Variants in GOLGB1 observed in about 807,000 individuals in gnomAD.
GOLGB1 encodes the protein golgin subfamily B member 1.
In GOLGB1, 174 loss-of-function variants were observed where a neutral mutation model predicts 336.9. That is an observed-to-expected ratio of 0.52 (90% CI 0.46 to 0.59). GOLGB1 has a LOEUF of 0.59. Among genes scored for constraint, GOLGB1 ranks in the 20% least tolerant of loss-of-function variants. GOLGB1 has a pLI of 0.00. For synonymous variants in GOLGB1, 1,208 were observed against 1,289.2 expected (o/e 0.94, Z 1.35); for missense variants, 3,331 against 3,645.3 (o/e 0.91, Z 2.22).
intron 1 of GOLGB1, among the ~76,000 whole-genome samples, chr3:121,735,652 A>G (rs1576470431): frequency 6.6e-6 from 1 of 152,234 alleles, no homozygotes; most frequent in East Asian, 1.9e-4. Context: ...ACCCCATGGT[A>G]CTGGATTAGA....
At chr3:121,688,987 C>A (rs13075221) in intron 14 of GOLGB1, among the ~76,000 whole-genome samples, 223 of 151,558 alleles carry the variant, frequency 1.5e-3, no homozygotes, top group African/African-American at 4.9e-3. Flanking sequence ...CGTCTCCGCC[C>A]GGCAGCCACC....
intron 17 of GOLGB1, among the ~76,000 whole-genome samples, chr3:121,673,559 C>T (rs532498115): frequency 2.4e-4 from 37 of 152,116 alleles, no homozygotes; most frequent in Admixed American, 5.2e-4. Context: ...TCCATGAGCA[C>T]GAAATATCTT....
chr3:121,694,801 C>T lies in GOLGB1; in HGVS notation c.5722G>A (p.Glu1908Lys). The change falls in exon 13 of 22, where the codon GAA becomes AAA. Residue 1908 changes from glutamate (E) to lysine (K), a missense_variant. By Grantham distance (56) the Glu-to-Lys change is moderately conservative. Transcript: ENST00000614479. ...AGTTTGGTAACTCTGGAGAGTTCTTCTTGGATTTGCTGATTTAACAGGTTC... is the reference window on the plus strand; with the variant it reads ...AGTTTGGTAACTCTGGAGAGTTCTTTTTGGATTTGCTGATTTAACAGGTTC... ...KMNLLNQQIQEELSRVTKLKE... is the reference protein window; with the variant it reads ...KMNLLNQQIQKELSRVTKLKE... 6.2e-7 allele frequency: 1 copy of T among 1,613,504 alleles called. No homozygotes were observed. The highest frequency in any genetic ancestry group is 2.2e-5 in the East Asian group (1 of 44,866).
Position 121,698,065 on chromosome 3 carries a change from A to G in GOLGB1, c.2458T>C (p.Leu820=). The change falls in exon 13 of 22, where the codon TTA becomes CTA. Residue 820 remains leucine, a synonymous_variant. Coordinates refer to ENST00000614479, the MANE Select transcript of GOLGB1 (RefSeq NM_001366282.2). Reference sequence around the variant, plus strand: ...TGCACATCATCCAGTTCATTCTGTAAAACTTCAATTTTCACATCTTTAGAT... The same window carrying G: ...TGCACATCATCCAGTTCATTCTGTAGAACTTCAATTTTCACATCTTTAGAT... ...AKSKDVKIEV[L]QNELDDVQLQ... 1 of 1,614,062 alleles carries G rather than the reference A, an allele frequency of 6.2e-7. No homozygotes were observed. Among genetic ancestry groups the G allele is most frequent in the Non-Finnish European group, 8.5e-7 (1 of 1,179,974 alleles).
chr3:121,678,417 A>C (rs1248117311), intron 15 of GOLGB1, among the ~76,000 whole-genome samples: 1 of 152,182 alleles, frequency 6.6e-6, no homozygotes. Flanking sequence ...GCCCCTTGTA[A>C]GCTGGATAGA....
chr3:121,718,613 GAC>G (rs1034726846), intron 7 of GOLGB1, 112 bp from the exon 8 acceptor site: 1 of 768,416 alleles, frequency 1.3e-6, no homozygotes, highest in Non-Finnish European at 2.2e-6. Flanking sequence ...TGTTGAAAAT[GAC>G]AGTTTAAAGA....
At chr3:121,734,522 A>G (rs780201049) in intron 1 of GOLGB1, among the ~76,000 whole-genome samples, 1 of 152,192 alleles carries the variant, frequency 6.6e-6, no homozygotes, top group Non-Finnish European at 1.5e-5. Flanking sequence ...ATAAAGTAAC[A>G]CACCTGATAA....
At position 121,695,084 on chromosome 3, in the gene GOLGB1, T is replaced by G. The variant is rs543391072; in HGVS notation, c.5439A>C (p.Arg1813Ser). 4 of 1,614,046 alleles carry G rather than the reference T, an allele frequency of 2.5e-6. No individual in the cohort carries two copies. The highest frequency in any genetic ancestry group is 3.4e-6 in the Non-Finnish European group (4 of 1,179,994). Residue 1813 changes from arginine (R) to serine (S), a missense_variant, in exon 13 of 22, where the codon AGA becomes AGC. Arg to Ser is a moderately radical substitution (Grantham distance 110). Coordinates refer to ENST00000614479, the MANE Select transcript of GOLGB1 (RefSeq NM_001366282.2). ...ATGGAACCGATTCTGAACATGTAGG[T>G]CTTGTGCTCATACTCAGAGAGTCTT... ...EEQDSLSMST[R>S]PTCSESVPSA...
At chr3:121,686,179 T>C (rs1037861455) in intron 14 of GOLGB1, among the ~76,000 whole-genome samples, 1 of 152,202 alleles carries the variant, frequency 6.6e-6, no homozygotes, top group South Asian at 2.1e-4. Context: ...CAGAAGAAAT[T>C]TCTTACAGGC....
chr3:121,693,991 C>T lies in GOLGB1; in HGVS notation c.6532G>A (p.Val2178Ile). Reference sequence around the variant, plus strand: ...TCCAAGTTTTCCTGAAGTTGCTGAACTTCCTTGTCTTTCTTGTTCAAAGTA... The same window carrying T: ...TCCAAGTTTTCCTGAAGTTGCTGAATTTCCTTGTCTTTCTTGTTCAAAGTA... The part of the protein sequence containing the change: ...QVTLNKKDKE[V>I]QQLQENLDST... Residue 2178 changes from valine (V) to isoleucine (I), a missense_variant, in exon 13 of 22, where the codon GTT becomes ATT. Val to Ile is a conservative substitution (Grantham distance 29, BLOSUM62 3). Transcript: ENST00000614479. 6.2e-7 allele frequency: 1 copy of T among 1,614,178 alleles called. No individual in the cohort carries two copies. Among genetic ancestry groups the T allele is most frequent in the South Asian group, 1.1e-5 (1 of 91,076 alleles).
chr3:121,700,644 T>C (rs1576364788), intron 11 of GOLGB1, among the ~76,000 whole-genome samples: 2 of 152,236 alleles, frequency 1.3e-5, no homozygotes, highest in Admixed American at 1.3e-4. Context: ...TGCCCCCTTT[T>C]TGTTCACTCT....
intron 16 of GOLGB1, 29 bp downstream of exon 16, chr3:121,677,256 G>A (rs745648998): frequency 4.6e-6 from 7 of 1,522,156 alleles, no homozygotes; most frequent in Middle Eastern, 1.7e-4. Context: ...ATTTATCTCT[G>A]AGTAACAATC....
chr3:121,691,731 G>A lies in GOLGB1; in HGVS notation c.7633C>T (p.Leu2545=), dbSNP rs1220663545. ...DAELIQYRED[L]NQVITIKDSQ... The stretch of plus-strand genomic sequence containing the variant: ...TCCTTTATTGTTATCACTTGGTTCA[G>A]GTCTTCTCTATATTGGATCAGTTCT... The change falls in exon 14 of 22, where the codon CTG becomes TTG. Residue 2545 remains leucine (L), a synonymous_variant. Transcript: ENST00000614479. The A allele has an allele frequency of 1.2e-6, 2 of 1,613,556 alleles. No homozygotes were observed. Among genetic ancestry groups the A allele is most frequent in the Non-Finnish European group, 1.7e-6 (2 of 1,179,854 alleles).
intron 20 of GOLGB1, among the ~76,000 whole-genome samples, chr3:121,665,759 T>C (rs550614113): frequency 2.6e-5 from 4 of 152,342 alleles, no homozygotes; most frequent in Middle Eastern, 3.4e-3. Context: ...ACTTTTTCAA[T>C]AGGGAAGAGA....
At chr3:121,726,059 G>C (rs1348723156) in intron 5 of GOLGB1, among the ~76,000 whole-genome samples, 1 of 150,728 alleles carries the variant, frequency 6.6e-6, no homozygotes, top group Admixed American at 6.6e-5. Context: ...ATGATTATAG[G>C]TGATAAAAGC....
Position 121,729,351 on chromosome 3 carries a change from A to G in GOLGB1, c.250-11T>C, listed in dbSNP as rs1004754037. ...AGCTTTTCTCTCTTCCTGCCCAAAA[A>G]CAATGATGGTAAATACATAAATGTT... On this transcript the variant is annotated splice_polypyrimidine_tract_variant and intron_variant, in intron 3 of 21. Coordinates refer to ENST00000614479, the MANE Select transcript of GOLGB1 (RefSeq NM_001366282.2). The G allele has an allele frequency of 3.1e-6, 5 of 1,605,484 alleles. No individual in the cohort carries two copies. The African/African-American group carries it at 4.0e-5, about 13-fold the overall frequency.
intron 9 of GOLGB1, among the ~76,000 whole-genome samples, chr3:121,716,517 A>G (rs562999266): frequency 6.6e-6 from 1 of 152,318 alleles, no homozygotes; most frequent in South Asian, 2.1e-4. Flanking sequence ...CATCACTATC[A>G]CATTTTTAGT....
At position 121,713,087 on chromosome 3, in the gene GOLGB1, G is replaced by C. The variant is rs374094858; in HGVS notation, c.1404+1774C>G. Reference sequence around the variant, plus strand: ...TGAGGCAGGAGAATTGCCTGAACCCGGGAGGTCGAGGTTGCAGTGAGCCGA... The same window carrying C: ...TGAGGCAGGAGAATTGCCTGAACCCCGGAGGTCGAGGTTGCAGTGAGCCGA... On this transcript the variant is annotated intron_variant, in intron 10 of 21. Transcript: ENST00000614479. Among the ~76,000 whole-genome samples the C allele has an allele frequency of 5.9e-5, 9 of 152,090 alleles. No homozygotes were observed. The East Asian group carries it at 1.7e-3, about 29-fold the overall frequency.
In GOLGB1 at chr3:121,717,141, T is replaced by A. The variant is rs1560286184; in HGVS notation, c.886-2A>T. 7.6e-6 allele frequency: 12 copies of A among 1,586,296 alleles called. No homozygotes were observed. The Admixed American group carries it at 9.3e-5, about 12-fold the overall frequency. ...CTGCTGTAACTGCTGAGAGAGAATC[T>A]AAGAAAAAAGACAAAGTCTCATGAG... On this transcript the variant is annotated splice_acceptor_variant, in intron 8 of 21. Transcript: ENST00000614479. LOFTEE classifies it high-confidence loss of function.
Sources: gnomAD v4.1 joint callset for allele counts (sites outside exome capture counted in the v4.1 genomes callset) on GRCh38, gnomAD v4.1.1 for gene constraint, MANE v1.5 for transcripts, NCBI Gene and HGNC (gene_info 2026-07-23, HGNC 2026-07-21) for gene names.